The following DNAH3 variants were observed in gnomAD, a reference collection of about 807,000 sequenced individuals.
DNAH3 encodes dynein axonemal heavy chain 3, also known as axonemal beta dynein heavy chain 3.
In DNAH3, 332 loss-of-function variants were observed where a neutral mutation model predicts 432.5. The observed-to-expected ratio is 0.77, with a 90% CI of 0.70 to 0.84. The LOEUF (loss-of-function observed/expected upper bound fraction) is 0.84, where lower values mean the gene tolerates loss of function less well. Among genes scored for constraint, DNAH3 ranks in the 40% least tolerant of loss-of-function variants. The probability of loss-of-function intolerance (pLI) is 0.00; values close to 1 mark genes in which losing one functional copy is unlikely to be tolerated. For synonymous variants in DNAH3, 1,956 were observed against 1,900.2 expected, an observed-to-expected ratio of 1.03 and a Z score of -0.76; for missense variants, 4,861 against 5,114.0, an observed-to-expected ratio of 0.95 and a Z score of 1.51.
At position 20,987,307 on chromosome 16, in the gene DNAH3, T is replaced by TC. The variant is rs1175897686; in HGVS notation, c.7023dup (p.Lys2342GlufsTer15). On this transcript the variant is annotated frameshift_variant, in exon 47 of 62. Transcript: ENST00000261383. LOFTEE classifies it high-confidence loss of function. ...AATGATCACAGAATCTGGTTTACCT[T>TC]CTCTATGGTCTGCTTGAAGCAATTG... The TC allele has an allele frequency of 3.7e-6, 6 of 1,613,934 alleles. No homozygotes were observed. The highest frequency in any genetic ancestry group is 4.2e-6 in the Non-Finnish European group (5 of 1,179,992).
At chr16:21,154,234 T>G (rs986928390) in intron 1 of DNAH3, among the ~76,000 whole-genome samples, 1 of 152,152 alleles carries the variant, frequency 6.6e-6, no homozygotes, top group African/African-American at 2.4e-5. Flanking sequence ...TGAAACCCCG[T>G]CTCTACTAAA....
At position 21,097,590 on chromosome 16, in the gene DNAH3, C is replaced by T. The variant is rs112721045; in HGVS notation, c.2521-91G>A. ...GGCAAATTCCTCAGTGCCTTGAAAACCAAGTGGAGGGAAATGCTTATTCAT... is the reference window on the plus strand; with the variant it reads ...GGCAAATTCCTCAGTGCCTTGAAAATCAAGTGGAGGGAAATGCTTATTCAT... On this transcript the variant is annotated intron_variant, in intron 17 of 61. Coordinates refer to ENST00000261383, the Ensembl canonical transcript of DNAH3. 3.7e-3 allele frequency: 5,434 copies of T among 1,476,294 alleles called. 151 individuals carry two copies. The African/African-American group carries it at 0.063, about 17-fold the overall frequency. The allele number at this position is 1,476,294 out of a possible 1,614,324, so 91.4% of individuals were successfully genotyped here. A position where few individuals can be genotyped will look rare whatever the true frequency, so the allele number is the denominator to read the frequency against.
At chr16:21,070,995 C>T (rs2090759640) in intron 21 of DNAH3, among the ~76,000 whole-genome samples, 169 bp from the exon 22 acceptor site, 1 of 152,074 alleles carries the variant, frequency 6.6e-6, no homozygotes, top group African/African-American at 2.4e-5. Flanking sequence ...AGGGATCCTC[C>T]TGCCTCAGCC....
At chr16:20,966,790 T>C (rs1256940606) in intron 52 of DNAH3, among the ~76,000 whole-genome samples, 1 of 152,134 alleles carries the variant, frequency 6.6e-6, no homozygotes, top group Admixed American at 6.5e-5. Context: ...CTCCCTTTGA[T>C]GAACTGTGTG....
At chr16:20,957,423 A>G (rs1484703920) in intron 54 of DNAH3, among the ~76,000 whole-genome samples, 1 of 152,068 alleles carries the variant, frequency 6.6e-6, no homozygotes, top group East Asian at 1.9e-4. Flanking sequence ...TTTCTTCCCC[A>G]CACTGTTTAG....
intron 37 of DNAH3, among the ~76,000 whole-genome samples, chr16:21,028,150 C>T (rs2088666769): frequency 6.6e-6 from 1 of 151,990 alleles, no homozygotes; most frequent in South Asian, 2.1e-4. Context: ...TCACACGTGG[C>T]TAGTTTTTTA....
At chr16:21,089,761 T>C (rs1282499998) in intron 18 of DNAH3, among the ~76,000 whole-genome samples, 2 of 151,212 alleles carry the variant, frequency 1.3e-5, no homozygotes, top group African/African-American at 4.9e-5. Flanking sequence ...CTTAAGTAAC[T>C]AGAAAAAGAA....
intron 7 of DNAH3, among the ~76,000 whole-genome samples, chr16:21,131,356 G>T (rs1241161002): frequency 6.6e-6 from 1 of 150,888 alleles, no homozygotes; most frequent in Non-Finnish European, 1.5e-5. Flanking sequence ...AAGCAAGAAA[G>T]AAACAGGGTC....
intron 21 of DNAH3, among the ~76,000 whole-genome samples, chr16:21,074,355 C>T (rs1044516370): frequency 6.6e-6 from 1 of 152,126 alleles, no homozygotes; most frequent in African/African-American, 2.4e-5. Context: ...CAGGAAGAAT[C>T]CATTGGGAGA....
At chr16:21,065,412 C>T (rs1199669074) in intron 24 of DNAH3, among the ~76,000 whole-genome samples, 2 of 152,106 alleles carry the variant, frequency 1.3e-5, no homozygotes, top group African/African-American at 4.8e-5. Context: ...CTGCCCACTT[C>T]GGCCTCCCAA....
chr16:20,937,740 G>T (rs1235909338), intron 59 of DNAH3, among the ~76,000 whole-genome samples: 1 of 151,424 alleles, frequency 6.6e-6, no homozygotes, highest in African/African-American at 2.4e-5. Flanking sequence ...TGCCCAGGCT[G>T]GTCTCAAACT....
chr16:21,104,328 C>T (rs1446118072), intron 16 of DNAH3, 143 bp downstream of exon 16: 6 of 705,396 alleles, frequency 8.5e-6, no homozygotes, highest in Non-Finnish European at 1.5e-5. Context: ...AAAGGAAATG[C>T]CTTCTCCACC....
At chr16:21,132,898 C>CTT (rs397735231) in intron 7 of DNAH3, among the ~76,000 whole-genome samples, 35 of 151,046 alleles carry the variant, frequency 2.3e-4, no homozygotes, top group African/African-American at 7.5e-4. Context: ...GGATATCTCA[C>CTT]TTTTTTTTAA....
Position 21,045,776 on chromosome 16 carries a change from A to G in DNAH3, c.4462-3573T>C, listed in dbSNP as rs2152738343. 2.0e-5 allele frequency among the ~76,000 whole-genome samples: 3 copies of G among 151,110 alleles called. No homozygotes were observed. In the Middle Eastern group the frequency reaches 0.01, roughly 518 times the overall value. ...TTTTAATTGTGAAGTTAGGGTGTCA[A>G]TTTTGGATCTTTCCTGCTTTCTCTT... is the stretch of plus-strand genomic sequence containing the variant. On this transcript the variant is annotated intron_variant, in intron 31 of 61. Coordinates refer to ENST00000261383, the Ensembl canonical transcript of DNAH3.
At chr16:20,954,671 C>CA (rs1329820033) in intron 55 of DNAH3, 142 bp downstream of exon 55, 11 of 928,318 alleles carry the variant, frequency 1.2e-5, no homozygotes, top group Non-Finnish European at 1.6e-5. Flanking sequence ...AAGTATGTTC[C>CA]AAATATTGCC....
intron 19 of DNAH3, 114 bp from the exon 20 acceptor site, chr16:21,081,841 C>T (rs1242944418): frequency 2.8e-6 from 2 of 726,714 alleles, no homozygotes; most frequent in Non-Finnish European, 4.4e-6. Flanking sequence ...ATAACAGCCA[C>T]GAGTGGCAGG....
chr16:20,941,546 TA>T lies in DNAH3; in HGVS notation c.11512-4del. ...TGTGCCAACTCCTCAACCACTTCCT[TA>T]AAATGCAGGCAGAAGAGAGGTGAGT... On this transcript the variant is annotated splice_region_variant and splice_polypyrimidine_tract_variant and intron_variant, in intron 58 of 61. Coordinates refer to ENST00000261383, the Ensembl canonical transcript of DNAH3. 3 of 1,613,944 alleles carry T rather than the reference TA, an allele frequency of 1.9e-6. No homozygotes were observed. Among genetic ancestry groups the T allele is most frequent in the Non-Finnish European group, 2.5e-6 (3 of 1,179,976 alleles).
chr16:21,029,157 C>CAAT (rs1271263477), intron 37 of DNAH3, among the ~76,000 whole-genome samples: 1 of 152,180 alleles, frequency 6.6e-6, no homozygotes, highest in Non-Finnish European at 1.5e-5. Flanking sequence ...TACATCTGTA[C>CAAT]AATTAGTTTA....
chr16:21,126,207 T>A (rs1191988681), intron 8 of DNAH3, among the ~76,000 whole-genome samples: 1 of 152,056 alleles, frequency 6.6e-6, no homozygotes, highest in Non-Finnish European at 1.5e-5. Context: ...AAGAAATAGA[T>A]GCTTCATTGT....
Sources: allele counts gnomAD v4.1 joint callset (sites outside exome capture counted in the v4.1 genomes callset), GRCh38; gene constraint gnomAD v4.1.1; transcripts MANE v1.5; gene names NCBI Gene and HGNC (gene_info 2026-07-23, HGNC 2026-07-21).